The following MAGI1 variants were observed in gnomAD, a reference collection of about 807,000 sequenced individuals.
The protein encoded by MAGI1 is membrane associated guanylate kinase, WW and PDZ domain containing 1.
A neutral mutation model predicts 139.9 loss-of-function variants in MAGI1; 58 were observed. The ratio of observed to expected loss-of-function variants is 0.41; its 90% CI spans 0.34 to 0.52. MAGI1 has a LOEUF of 0.52. MAGI1 is among the 20% of genes least tolerant of loss of function. The pLI is 0.12. For synonymous variants in MAGI1, 812 were observed against 737.9 expected (o/e 1.10, Z -1.63); for missense variants, 1,874 against 1,901.6 (o/e 0.99, Z 0.27).
At chr3:65,625,436 C>A (rs1365897901) in intron 1 of MAGI1, among the ~76,000 whole-genome samples, 1 of 152,068 alleles carries the variant, frequency 6.6e-6, no homozygotes, top group Non-Finnish European at 1.5e-5. Flanking sequence ...GCCAGACGTG[C>A]CTACTTCTGA....
At chr3:65,917,515 A>G (rs1032531220) in intron 1 of MAGI1, among the ~76,000 whole-genome samples, 5 of 152,238 alleles carry the variant, frequency 3.3e-5, no homozygotes, top group African/African-American at 7.2e-5. Flanking sequence ...AGTTTATAAA[A>G]GCTTTATGTG....
At chr3:65,469,032 G>T (rs937278973) in intron 5 of MAGI1, among the ~76,000 whole-genome samples, 1 of 151,352 alleles carries the variant, frequency 6.6e-6, no homozygotes, top group Admixed American at 6.6e-5. Flanking sequence ...AATTCACAAC[G>T]CATATCAATG....
At chr3:65,735,465 G>A (rs952217842) in intron 1 of MAGI1, among the ~76,000 whole-genome samples, 1 of 151,962 alleles carries the variant, frequency 6.6e-6, no homozygotes, top group Non-Finnish European at 1.5e-5. Flanking sequence ...CCAATAAGAT[G>A]AGTGAGATCA....
chr3:65,985,338 T>C (rs1337049992), intron 1 of MAGI1, among the ~76,000 whole-genome samples: 1 of 152,194 alleles, frequency 6.6e-6, no homozygotes, highest in African/African-American at 2.4e-5. Flanking sequence ...ACAGCTAGAA[T>C]GATCATAGTG....
chr3:65,382,248 G>A (rs1943111983), intron 15 of MAGI1, among the ~76,000 whole-genome samples, 179 bp from the exon 16 acceptor site: 1 of 152,130 alleles, frequency 6.6e-6, no homozygotes, highest in Admixed American at 6.5e-5. Context: ...TTCTTAAATG[G>A]TGGAAAGAGT....
chr3:65,510,310 C>T (rs2077518754), intron 2 of MAGI1, among the ~76,000 whole-genome samples: 1 of 152,154 alleles, frequency 6.6e-6, no homozygotes, highest in African/African-American at 2.4e-5. Flanking sequence ...TGGAGAATGA[C>T]TTTGATGAGC....
intron 2 of MAGI1, among the ~76,000 whole-genome samples, chr3:65,591,064 T>A (rs756175926): frequency 2.0e-5 from 3 of 152,198 alleles, no homozygotes; most frequent in Non-Finnish European, 4.4e-5. Flanking sequence ...TGTGCAAGGA[T>A]GTTCCTTTCA....
intron 1 of MAGI1, among the ~76,000 whole-genome samples, chr3:65,749,225 A>G (rs921075823): frequency 6.6e-6 from 1 of 152,156 alleles, no homozygotes; most frequent in African/African-American, 2.4e-5. Flanking sequence ...AGAGTGCCCA[A>G]TGTCTGTAAG....
chr3:65,678,167 G>C (rs983614525), intron 1 of MAGI1, among the ~76,000 whole-genome samples: 1 of 152,072 alleles, frequency 6.6e-6, no homozygotes, highest in Non-Finnish European at 1.5e-5. Flanking sequence ...ACCAGGGACC[G>C]TCAGAGGATG....
intron 1 of MAGI1, among the ~76,000 whole-genome samples, chr3:65,818,559 T>C (rs1180514654): frequency 2.6e-5 from 4 of 152,056 alleles, no homozygotes; most frequent in Non-Finnish European, 1.5e-5. Flanking sequence ...GGTAAGGAGT[T>C]GAGAGCACTG....
At chr3:65,587,728 C>T (rs1265658590) in intron 2 of MAGI1, among the ~76,000 whole-genome samples, 7 of 152,022 alleles carry the variant, frequency 4.6e-5, no homozygotes, top group South Asian at 2.1e-4. Flanking sequence ...GCAATCCACC[C>T]GCCTTGGTCT....
intron 12 of MAGI1, among the ~76,000 whole-genome samples, chr3:65,415,075 T>C (rs1167001339): frequency 2.0e-5 from 3 of 151,442 alleles, no homozygotes; most frequent in Non-Finnish European, 4.4e-5. Flanking sequence ...GAAGAATCTT[T>C]CATATTGGAA....
chr3:66,005,660 G>A (rs1045976876), intron 1 of MAGI1, among the ~76,000 whole-genome samples: 2 of 151,976 alleles, frequency 1.3e-5, no homozygotes, highest in Admixed American at 1.3e-4. Flanking sequence ...GTGGAAGGGG[G>A]GAAATCAAAG....
intron 18 of MAGI1, among the ~76,000 whole-genome samples, chr3:65,367,266 C>A (rs1458901871): frequency 6.6e-6 from 1 of 152,164 alleles, no homozygotes; most frequent in Non-Finnish European, 1.5e-5. Flanking sequence ...CCAGAGTTTT[C>A]TGAGCAGATC....
At chr3:65,804,516 T>C (rs947154927) in intron 1 of MAGI1, among the ~76,000 whole-genome samples, 1 of 152,096 alleles carries the variant, frequency 6.6e-6, no homozygotes, top group East Asian at 1.9e-4. Flanking sequence ...TATATACTGA[T>C]ATAAATTGAT....
At chr3:65,464,564 T>A (rs1950047072) in intron 5 of MAGI1, among the ~76,000 whole-genome samples, 2 of 152,178 alleles carry the variant, frequency 1.3e-5, no homozygotes, top group East Asian at 1.9e-4. Context: ...TTTCCTACTG[T>A]ATCTGACATT....
At chr3:65,964,434 A>C (rs1560061820) in intron 1 of MAGI1, among the ~76,000 whole-genome samples, 1 of 147,674 alleles carries the variant, frequency 6.8e-6, no homozygotes, top group Non-Finnish European at 1.5e-5. Context: ...TCATAGAGAG[A>C]AGAACACTTC....
rs571941072 is a variant in MAGI1, at chr3:65,624,576, A to G, written c.314-2488T>C. Among the ~76,000 whole-genome samples, 40 of 152,342 alleles carry G rather than the reference A, an allele frequency of 2.6e-4. No individual in the cohort carries two copies. In the Middle Eastern group the frequency reaches 0.01, roughly 39 times the overall value. On this transcript the variant is annotated intron_variant, in intron 1 of 22. Coordinates refer to ENST00000402939, the MANE Select transcript of MAGI1 (RefSeq NM_001033057.2). ...AGAAAGTTTTGGGATGGACTAAAAA[A>G]TTTTGGAACGGACTAATTTATAGTG...
intron 1 of MAGI1, among the ~76,000 whole-genome samples, chr3:65,812,421 A>T (rs930170101): frequency 6.7e-6 from 1 of 148,442 alleles, no homozygotes; most frequent in East Asian, 2.0e-4. Context: ...GGATTTTATA[A>T]TTTTATAAAA....
Sources: allele counts gnomAD v4.1 joint callset (sites outside exome capture counted in the v4.1 genomes callset), GRCh38; gene constraint gnomAD v4.1.1; transcripts MANE v1.5; gene names NCBI Gene and HGNC (gene_info 2026-07-23, HGNC 2026-07-21).